LCTL: variants seen among roughly 807,000 people sequenced by gnomAD.
LCTL encodes the protein lactase-like protein.
Under a neutral mutation model 75.8 loss-of-function variants are expected in LCTL, and 76 were observed. The observed-to-expected ratio is 1.00, with a 90% CI of 0.83 to 1.21. LCTL has a LOEUF of 1.21. Ranked by LOEUF, LCTL falls within the 50% of genes most tolerant of loss-of-function variation. The pLI is 0.00. For synonymous variants in LCTL, 271 were observed against 268.8 expected (o/e 1.01, Z -0.08); for missense variants, 670 against 712.4 (o/e 0.94, Z 0.68).
Position 66,563,515 on chromosome 15 carries a change from C to A in LCTL, c.480+1G>T, listed in dbSNP as rs771144268. 6.2e-7 allele frequency: 1 copy of A among 1,609,320 alleles called. No homozygotes were observed. The highest frequency in any genetic ancestry group is 2.2e-5 in the East Asian group (1 of 44,864). The stretch of plus-strand genomic sequence containing the variant: ...GCCTGTGAGCCTGCTCAGGTCCTCA[C>A]CTGTGGCAGATCCCAGTGGTGCAAG... On this transcript the variant is annotated splice_donor_variant, in intron 4 of 12. Coordinates refer to ENST00000341509, the Ensembl canonical transcript of LCTL. LOFTEE classifies it high-confidence loss of function.
exon 4 of LCTL, chr15:66,563,556 A>G (rs1364746499): frequency 5.0e-6 from 8 of 1,612,458 alleles, no homozygotes; most frequent in Non-Finnish European, 6.8e-6. Context: ...GATGGGAGTG[A>G]TGTTGCTGCT....
chr15:66,558,562 C>G (rs1316711713), intron 6 of LCTL, among the ~76,000 whole-genome samples: 1 of 152,036 alleles, frequency 6.6e-6, no homozygotes, highest in Non-Finnish European at 1.5e-5. Context: ...ATCTCCAGAC[C>G]AAGGTCATCA....
intron 11 of LCTL, among the ~76,000 whole-genome samples, chr15:66,551,295 C>T (rs1238613881): frequency 7.4e-6 from 1 of 134,438 alleles, no homozygotes; most frequent in African/African-American, 2.8e-5. Flanking sequence ...TGCAGTGAGC[C>T]GAGATCGCAC....
intron 3 of LCTL, 63 bp downstream of exon 4, chr15:66,563,848 C>T: frequency 2.2e-6 from 3 of 1,345,942 alleles, no homozygotes; most frequent in Middle Eastern, 1.8e-4. Flanking sequence ...TGTGGTGCCC[C>T]TGCAAAGCCA....
chr15:66,550,350 T>C (rs1248387095), intron 11 of LCTL, among the ~76,000 whole-genome samples: 1 of 152,246 alleles, frequency 6.6e-6, no homozygotes, highest in Non-Finnish European at 1.5e-5. Context: ...TTTCTAATAA[T>C]GTAAAAGTAG....
At chr15:66,555,071 A>C (rs1379256396) in intron 8 of LCTL, among the ~76,000 whole-genome samples, 1 of 152,214 alleles carries the variant, frequency 6.6e-6, no homozygotes, top group Non-Finnish European at 1.5e-5. Flanking sequence ...AATAGTTCCA[A>C]AGAGGATAAT....
intron 8 of LCTL, among the ~76,000 whole-genome samples, chr15:66,556,786 G>A (rs1222584375): frequency 3.3e-5 from 5 of 152,166 alleles, no homozygotes; most frequent in Admixed American, 6.5e-5. Context: ...GGTTGCCAGG[G>A]ACTCGGCAAA....
chr15:66,550,180 TGTG>T, intron 11 of LCTL, 76 bp from the exon 13 acceptor site: 11 of 813,224 alleles, frequency 1.4e-5, no homozygotes, highest in Non-Finnish European at 8.2e-6. Context: ...TTGAAATAAA[TGTG>T]GGGTAAAAGT....
intron 4 of LCTL, among the ~76,000 whole-genome samples, chr15:66,561,802 C>T (rs558999389): frequency 2.4e-4 from 37 of 152,270 alleles, no homozygotes; most frequent in Admixed American, 5.9e-4. Context: ...GAAGGTTCAT[C>T]TCCCTAAAGC....
chr15:66,558,062 T>C, intron 6 of LCTL, 26 bp from the exon 8 acceptor site: 1 of 1,587,270 alleles, frequency 6.3e-7, no homozygotes, highest in South Asian at 1.1e-5. Context: ...AAATTCATCG[T>C]AGGTACCTGG....
chr15:66,554,397 C>T (rs1368788688), intron 8 of LCTL, among the ~76,000 whole-genome samples: 1 of 150,846 alleles, frequency 6.6e-6, no homozygotes, highest in Admixed American at 6.6e-5. Flanking sequence ...AGGCAGAGGT[C>T]GCAGTGAGCC....
At chr15:66,548,710 A>G (rs1044980073) in intron 12 of LCTL, 105 bp from the exon 14 acceptor site, 1 of 500,786 alleles carries the variant, frequency 2.0e-6, no homozygotes, top group African/African-American at 1.9e-5. Flanking sequence ...CTTAAAAAAT[A>G]GCATCCTCAA....
At chr15:66,548,516 T>C in exon 13 of LCTL, 2 of 1,609,962 alleles carry the variant, frequency 1.2e-6, no homozygotes, top group Non-Finnish European at 1.7e-6. Context: ...AGGAGGAGCA[T>C]TAGTAGAACA....
intron 12 of LCTL, chr15:66,549,283 A>G (rs1895503215): frequency 6.6e-6 from 1 of 152,188 alleles, no homozygotes; most frequent in African/African-American, 2.4e-5. Flanking sequence ...TGGAATATAC[A>G]TTCTTAGTAT....
chr15:66,555,879 A>G (rs1349329311), intron 8 of LCTL, among the ~76,000 whole-genome samples: 1 of 152,224 alleles, frequency 6.6e-6, no homozygotes, highest in Non-Finnish European at 1.5e-5. Flanking sequence ...TTTTCTAAAG[A>G]AGATCTACAG....
At chr15:66,563,442 C>A (rs1895943255) in intron 4 of LCTL, 74 bp downstream of exon 5, 2 of 999,250 alleles carry the variant, frequency 2.0e-6, no homozygotes, top group East Asian at 2.4e-5. Context: ...CCTTGGCAAC[C>A]CAAGTCCTCA....
At chr15:66,563,855 G>T in intron 3 of LCTL, 56 bp downstream of exon 4, 2 of 1,406,100 alleles carry the variant, frequency 1.4e-6, no homozygotes, top group Non-Finnish European at 2.0e-6. Context: ...CCCCTGCAAA[G>T]CCAACATTGC....
At chr15:66,557,549 G>A (rs902334604) in intron 8 of LCTL, among the ~76,000 whole-genome samples, 173 bp downstream of exon 9, 3 of 152,070 alleles carry the variant, frequency 2.0e-5, no homozygotes. Flanking sequence ...GAGAGGTCTA[G>A]GGTTCCTCCC....
chr15:66,563,441 C>T, intron 4 of LCTL, 75 bp downstream of exon 5: 1 of 986,894 alleles, frequency 1.0e-6, no homozygotes, highest in Non-Finnish European at 1.6e-6. Context: ...ACCTTGGCAA[C>T]CCAAGTCCTC....
Sources: gnomAD v4.1 joint callset for allele counts (sites outside exome capture counted in the v4.1 genomes callset) on GRCh38, gnomAD v4.1.1 for gene constraint, MANE v1.5 for transcripts, NCBI Gene and HGNC (gene_info 2026-07-23, HGNC 2026-07-21) for gene names.